Variants in BABAM1 observed in about 807,000 individuals in gnomAD.
The protein encoded by BABAM1 is BRISC and BRCA1-A complex member 1.
In BABAM1, 14 loss-of-function variants were observed where a neutral mutation model predicts 34.4. The ratio of observed to expected loss-of-function variants is 0.41; its 90% CI spans 0.27 to 0.64. The LOEUF (loss-of-function observed/expected upper bound fraction) is 0.64. Ranked by LOEUF, BABAM1 falls within the 30% of genes least tolerant of loss-of-function variation. BABAM1 has a pLI of 0.34. For missense variants in BABAM1, 393 were observed against 434.0 expected (o/e 0.91, Z 0.84); for synonymous variants, 169 against 165.8 (o/e 1.02, Z -0.15).
intron 2 of BABAM1, among the ~76,000 whole-genome samples, chr19:17,270,881 C>A (rs2073832848): frequency 6.6e-6 from 1 of 151,042 alleles, no homozygotes; most frequent in African/African-American, 2.4e-5. Context: ...TAGTAGAGAC[C>A]AGGTTTCACC....
At chr19:17,269,944 G>A (rs934972556) in intron 2 of BABAM1, among the ~76,000 whole-genome samples, 1 of 101,540 alleles carries the variant, frequency 9.8e-6, no homozygotes, top group Non-Finnish European at 2.0e-5. Flanking sequence ...TTTTTTTTTT[G>A]AGAAGGAGTC....
chr19:17,274,067 G>C (rs1367907593), intron 4 of BABAM1, 40 bp from the exon 5 acceptor site: 1 of 1,613,690 alleles, frequency 6.2e-7, no homozygotes, highest in Admixed American at 1.7e-5. Flanking sequence ...GTCCCCTGGG[G>C]CCCGGGGAGC....
chr19:17,267,871 C>T (rs2073787350), intron 1 of BABAM1, among the ~76,000 whole-genome samples: 1 of 152,128 alleles, frequency 6.6e-6, no homozygotes, highest in South Asian at 2.1e-4. Flanking sequence ...GTTATTATTC[C>T]CTTATTCACC....
chr19:17,269,045 C>G lies in BABAM1; in HGVS notation c.239C>G (p.Pro80Arg). The G allele has an allele frequency of 6.2e-7, 1 of 1,604,358 alleles. No individual in the cohort carries two copies. Among genetic ancestry groups the G allele is most frequent in the Non-Finnish European group, 8.5e-7 (1 of 1,176,152 alleles). The part of the protein sequence containing the change: ...PKSWQVPPPA[P>R]EVQIRTPRVN... ...TCCTGGCAGGTGCCCCCGCCAGCCC[C>G]TGAGGTCCAAATTCGGACACCAAGG... Residue 80 changes from proline to arginine, a missense_variant, in exon 2 of 9, where the codon CCT becomes CGT. Pro to Arg is a moderately radical substitution (Grantham distance 103). Coordinates refer to ENST00000598188, the MANE Select transcript of BABAM1 (RefSeq NM_014173.4).
rs754624710 is a variant in BABAM1, at chr19:17,278,918, C to A, written c.860C>A (p.Pro287Gln). Reference sequence around the variant, plus strand: ...AAGTATGAGGTGGCACTGGCTGGGCCAGCCCTGGAGTTGCACAACTGCATG... The same window carrying A: ...AAGTATGAGGTGGCACTGGCTGGGCAAGCCCTGGAGTTGCACAACTGCATG... Reference protein sequence around the residue: ...SYKYEVALAGPALELHNCMAK... With the variant: ...SYKYEVALAGQALELHNCMAK... Residue 287 changes from proline to glutamine, a missense_variant, in exon 9 of 9, where the codon CCA (proline) becomes CAA (glutamine). Transcript: ENST00000598188. 3 of 1,613,468 alleles carry A rather than the reference C, an allele frequency of 1.9e-6. No homozygotes were observed. The South Asian group carries it at 3.3e-5, about 18-fold the overall frequency.
intron 8 of BABAM1, among the ~76,000 whole-genome samples, chr19:17,278,048 C>T (rs2073931431): frequency 6.6e-6 from 1 of 151,658 alleles, no homozygotes; most frequent in Non-Finnish European, 1.5e-5. Flanking sequence ...GTGGCACATA[C>T]CTATAATCCC....
chr19:17,275,946 G>A (rs1599498783), intron 6 of BABAM1, 121 bp downstream of exon 6: 8 of 1,131,860 alleles, frequency 7.1e-6, no homozygotes, highest in East Asian at 4.8e-5. Context: ...TTCCTACCTC[G>A]CCCCGAGCAA....
intron 3 of BABAM1, among the ~76,000 whole-genome samples, chr19:17,273,245 G>A (rs974243767): frequency 6.6e-6 from 1 of 152,122 alleles, no homozygotes; most frequent in African/African-American, 2.4e-5. Flanking sequence ...TATCTGGAGT[G>A]GGGGGCAGTT....
chr19:17,277,785 A>G (rs1386221740), intron 8 of BABAM1, among the ~76,000 whole-genome samples: 2 of 152,132 alleles, frequency 1.3e-5, no homozygotes, highest in African/African-American at 4.8e-5. Context: ...AGGCTGAGAC[A>G]GGAGGCTCGC....
rs764810421 is a variant in BABAM1 at position 17,274,124 on chromosome 19, C to T, written c.483C>T (p.Ser161=). Residue 161 remains serine (S), a synonymous_variant, in exon 5 of 9, where the codon TCC becomes TCT. Coordinates refer to ENST00000598188, the MANE Select transcript of BABAM1 (RefSeq NM_014173.4). ...DDTAWLSGLT[S]DPRELCSCLY... The stretch of plus-strand genomic sequence containing the variant: ...CCCTGCAGCTGTCTGGCCTGACCTC[C>T]GACCCCCGCGAGCTCTGTAGCTGCC... 1.9e-5 allele frequency: 31 copies of T among 1,613,572 alleles called. No homozygotes were observed. The highest frequency in any genetic ancestry group is 2.3e-5 in the Non-Finnish European group (27 of 1,179,882).
chr19:17,274,207 T>C, intron 5 of BABAM1, 22 bp downstream of exon 5: 1 of 1,609,906 alleles, frequency 6.2e-7, no homozygotes, highest in Non-Finnish European at 8.5e-7. Flanking sequence ...GGCAGAGATG[T>C]CCCCATGAAG....
Position 17,278,934 on chromosome 19 carries a change from C to T in BABAM1, c.876C>T (p.His292=). ...VALAGPALEL[H]NCMAKLLAHP... is the part of the protein sequence containing the mutation. ...TGGCTGGGCCAGCCCTGGAGTTGCACAACTGCATGGCGAAACTGTTGGCCC... is the reference window on the plus strand; with the variant it reads ...TGGCTGGGCCAGCCCTGGAGTTGCATAACTGCATGGCGAAACTGTTGGCCC... The change falls in exon 9 of 9, where the codon CAC becomes CAT. Residue 292 remains histidine, a synonymous_variant. Transcript: ENST00000598188. 1 of 1,613,380 alleles carries T rather than the reference C, an allele frequency of 6.2e-7. No individual in the cohort carries two copies. The highest frequency in any genetic ancestry group is 8.5e-7 in the Non-Finnish European group (1 of 1,179,734).
rs760842650 is a variant in BABAM1, at chr19:17,271,664, G to A, written c.344+9G>A. 1.9e-6 allele frequency: 3 copies of A among 1,613,416 alleles called. No homozygotes were observed. The highest frequency in any genetic ancestry group is 2.2e-5 in the East Asian group (1 of 44,870). ...CTGGAGTCGTTCAACGGGTAAGAGG[G>A]ACATTTTAGGGCTTGAACATGCAGC... On this transcript the variant is annotated intron_variant, in intron 3 of 8. Coordinates refer to ENST00000598188, the MANE Select transcript of BABAM1 (RefSeq NM_014173.4).
Position 17,268,878 on chromosome 19 carries a change from G to A in BABAM1, c.72G>A (p.Arg24=), listed in dbSNP as rs779407459. Residue 24 remains arginine (R), a synonymous_variant, in exon 2 of 9, where the codon CGG becomes CGA. Transcript: ENST00000598188. ...AAGAGGAGCACTCGGCAGAGCCTCG[G>A]CCCCGCACTCGCTCCAATCCTGAAG... ...EEEEEHSAEP[R]PRTRSNPEGA... 8 of 1,600,704 alleles carry A rather than the reference G, an allele frequency of 5.0e-6. No individual in the cohort carries two copies. In the Admixed American group the frequency reaches 1.2e-4, roughly 24 times the overall value.
At chr19:17,276,944 G>A (rs779905032) in intron 8 of BABAM1, 35 bp downstream of exon 8, 427 of 1,545,986 alleles carry the variant, frequency 2.8e-4, no homozygotes, top group South Asian at 5.6e-4. Flanking sequence ...TAGCAGGCGG[G>A]TGTGGACAGG....
chr19:17,269,637 C>G (rs1043602186), intron 2 of BABAM1, among the ~76,000 whole-genome samples: 2 of 152,148 alleles, frequency 1.3e-5, no homozygotes, highest in Admixed American at 1.3e-4. Context: ...AGGCATGAGC[C>G]ACTCTGCCTG....
chr19:17,272,898 A>G (rs2073859333), intron 3 of BABAM1, among the ~76,000 whole-genome samples: 2 of 152,022 alleles, frequency 1.3e-5, no homozygotes, highest in Admixed American at 1.3e-4. Context: ...CGTGCCTGTA[A>G]TCCCAGCTAC....
At chr19:17,267,894 GT>G (rs1467878301) in intron 1 of BABAM1, among the ~76,000 whole-genome samples, 1 of 152,058 alleles carries the variant, frequency 6.6e-6, no homozygotes, top group African/African-American at 2.4e-5. Context: ...GACATTTTCA[GT>G]TTTAGGTAAC....
chr19:17,273,571 T>TTTTTTTG (rs2073871046), intron 3 of BABAM1, among the ~76,000 whole-genome samples: 1 of 123,872 alleles, frequency 8.1e-6, no homozygotes, highest in Non-Finnish European at 1.7e-5. Flanking sequence ...TTTGTTTTTT[T>TTTTTTTG]TTTTTTTTTT....
Sources: gnomAD v4.1 joint callset for allele counts (sites outside exome capture counted in the v4.1 genomes callset) on GRCh38, gnomAD v4.1.1 for gene constraint, MANE v1.5 for transcripts, NCBI Gene and HGNC (gene_info 2026-07-23, HGNC 2026-07-21) for gene names.